The following RBFOX1 variants were observed in gnomAD, a reference collection of about 807,000 sequenced individuals.
RBFOX1 encodes RNA binding fox-1 homolog 1.
A neutral mutation model predicts 57.7 loss-of-function variants in RBFOX1; 8 were observed. The ratio of observed to expected loss-of-function variants is 0.14; its 90% CI spans 0.08 to 0.25. The LOEUF is 0.25. Ranked by LOEUF, RBFOX1 falls within the 10% of genes least tolerant of loss-of-function variation. RBFOX1 has a pLI of 1.00. For synonymous variants in RBFOX1, 326 were observed against 222.4 expected (o/e 1.47, Z -4.15); for missense variants, 611 against 548.5 (o/e 1.11, Z -1.14).
At chr16:7,169,287 A>T (rs563780600) in intron 4 of RBFOX1, among the ~76,000 whole-genome samples, 3 of 152,228 alleles carry the variant, frequency 2.0e-5, no homozygotes, top group Non-Finnish European at 4.4e-5. Flanking sequence ...TTGAGTTTCT[A>T]TGAGATACTA....
chr16:7,220,456 G>A (rs995708255), intron 4 of RBFOX1, among the ~76,000 whole-genome samples: 3 of 152,206 alleles, frequency 2.0e-5, no homozygotes, highest in African/African-American at 7.2e-5. Context: ...TAAAGAGACA[G>A]TGTGTTGACA....
intron 5 of RBFOX1, among the ~76,000 whole-genome samples, chr16:7,526,398 G>A (rs1483162539): frequency 6.6e-6 from 1 of 152,110 alleles, no homozygotes; most frequent in Non-Finnish European, 1.5e-5. Flanking sequence ...GACAAGATTT[G>A]ACCCTCCATT....
chr16:7,183,804 C>G (rs970093530), intron 4 of RBFOX1, among the ~76,000 whole-genome samples: 1 of 152,180 alleles, frequency 6.6e-6, no homozygotes, highest in African/African-American at 2.4e-5. Context: ...CAGCAAGGAG[C>G]TATTTAATGC....
chr16:7,529,418 A>G (rs1342357310), intron 5 of RBFOX1, among the ~76,000 whole-genome samples: 1 of 152,222 alleles, frequency 6.6e-6, no homozygotes, highest in East Asian at 1.9e-4. Context: ...TACAAGCGTG[A>G]TGGTATGCAA....
intron 1 of RBFOX1, among the ~76,000 whole-genome samples, chr16:6,314,327 G>A (rs898240964): frequency 2.0e-5 from 3 of 152,164 alleles, no homozygotes; most frequent in Admixed American, 2.0e-4. Context: ...GAAATTCACA[G>A]CCTGGGTAGG....
chr16:5,314,319 G>A (rs530231577), intron 1 of RBFOX1, among the ~76,000 whole-genome samples: 5 of 152,328 alleles, frequency 3.3e-5, no homozygotes, highest in African/African-American at 9.6e-5. Context: ...GAAATGTGGA[G>A]TGTGGAGAGG....
At chr16:6,932,340 C>T (rs1032949345) in intron 3 of RBFOX1, among the ~76,000 whole-genome samples, 6 of 152,118 alleles carry the variant, frequency 3.9e-5, no homozygotes, top group East Asian at 1.9e-4. Flanking sequence ...CTCCTGACCT[C>T]AGGTGATCCA....
chr16:5,822,298 G>A (rs1489168133), intron 3 of RBFOX1, among the ~76,000 whole-genome samples: 4 of 152,150 alleles, frequency 2.6e-5, no homozygotes, highest in African/African-American at 4.8e-5. Flanking sequence ...AGGGAGAGGG[G>A]CAAGGGATAA....
At chr16:7,106,307 C>T (rs961385820) in intron 4 of RBFOX1, among the ~76,000 whole-genome samples, 2 of 152,148 alleles carry the variant, frequency 1.3e-5, no homozygotes, top group Non-Finnish European at 2.9e-5. Flanking sequence ...GTCATTCATC[C>T]TGGTCAGAGA....
chr16:7,655,839 G>A (rs1159533713), intron 12 of RBFOX1, among the ~76,000 whole-genome samples: 2 of 152,158 alleles, frequency 1.3e-5, no homozygotes, highest in African/African-American at 2.4e-5. Context: ...ATCCTCACAT[G>A]ACCAATTTAT....
intron 4 of RBFOX1, among the ~76,000 whole-genome samples, chr16:7,474,643 G>T (rs1432282755): frequency 6.6e-6 from 1 of 152,212 alleles, no homozygotes; most frequent in East Asian, 1.9e-4. Flanking sequence ...TCTAAAGTCG[G>T]ACTGGCTTTC....
At chr16:7,639,685 CA>C (rs576225894) in intron 11 of RBFOX1, among the ~76,000 whole-genome samples, 9 of 152,260 alleles carry the variant, frequency 5.9e-5, no homozygotes, top group Admixed American at 1.3e-4. Context: ...GAGACTTATT[CA>C]CTGTTAGCAC....
intron 2 of RBFOX1, among the ~76,000 whole-genome samples, chr16:6,529,830 A>G (rs112818170): frequency 1.3e-5 from 2 of 152,082 alleles, no homozygotes; most frequent in Non-Finnish European, 2.9e-5. Flanking sequence ...CATTTTTATT[A>G]AATATTATCC....
intron 1 of RBFOX1, among the ~76,000 whole-genome samples, chr16:5,255,650 A>G (rs931285992): frequency 3.3e-5 from 5 of 150,478 alleles, no homozygotes; most frequent in Non-Finnish European, 7.4e-5. Flanking sequence ...CGACTCAACC[A>G]TCCATTCATT....
chr16:5,542,244 A>ATTTTTTTTTTTTTTTTTT (rs5815254), intron 2 of RBFOX1, among the ~76,000 whole-genome samples: 1 of 122,568 alleles, frequency 8.2e-6, no homozygotes. Flanking sequence ...ACAGGTATTG[A>ATTTTTTTTTTTTTTTTTT]TTTTTTTTTT....
At position 7,704,474 on chromosome 16, in the gene RBFOX1, C is replaced by A. The variant is rs1426228967; in HGVS notation, c.996-4582C>A. ...TGTCTGGGAGCAGCTGACCCAGAGT[C>A]TTCAAAAAGCGTATCTGAATGGGAT... On this transcript the variant is annotated intron_variant, in intron 14 of 15. Transcript: ENST00000550418. Among the ~76,000 whole-genome samples the A allele has an allele frequency of 5.9e-5, 9 of 152,278 alleles. No homozygotes were observed. In the South Asian group the frequency reaches 1.9e-3, roughly 32 times the overall value.
At chr16:6,735,977 A>AG (rs2070155044) in intron 3 of RBFOX1, among the ~76,000 whole-genome samples, 1 of 722 alleles carries the variant, frequency 1.4e-3, no homozygotes, top group Non-Finnish European at 2.8e-3. Flanking sequence ...TTGCTTCCCT[A>AG]CTGGGCCTGC....
At chr16:6,961,911 A>G (rs546244816) in intron 3 of RBFOX1, among the ~76,000 whole-genome samples, 8 of 152,286 alleles carry the variant, frequency 5.3e-5, no homozygotes, top group Non-Finnish European at 1.2e-4. Flanking sequence ...CTGTTTTATC[A>G]GCAGGGTCTT....
intron 4 of RBFOX1, among the ~76,000 whole-genome samples, chr16:7,331,408 C>T (rs1180616637): frequency 1.3e-5 from 2 of 152,224 alleles, no homozygotes; most frequent in African/African-American, 2.4e-5. Flanking sequence ...TTCACTTCAT[C>T]AGAACTTCAT....
Sources: allele counts gnomAD v4.1 joint callset (sites outside exome capture counted in the v4.1 genomes callset), GRCh38; gene constraint gnomAD v4.1.1; transcripts MANE v1.5; gene names NCBI Gene and HGNC (gene_info 2026-07-23, HGNC 2026-07-21).